Variants in TIMP3 observed in about 807,000 individuals in gnomAD.
TIMP3 encodes TIMP metallopeptidase inhibitor 3, also known as metalloproteinase inhibitor 3.
Under a neutral mutation model 30.0 loss-of-function variants are expected in TIMP3, and 11 were observed. The ratio of observed to expected loss-of-function variants is 0.37; its 90% confidence interval spans 0.23 to 0.61. The LOEUF is 0.61. Ranked by LOEUF, TIMP3 falls within the 20% of genes least tolerant of loss-of-function variation. The pLI, the probability that TIMP3 is intolerant of heterozygous loss-of-function variation, is 0.70. For missense variants in TIMP3, 181 were observed against 276.8 expected (o/e 0.65, Z 2.45); for synonymous variants, 112 against 111.3 (o/e 1.01, Z -0.04).
chr22:32,815,890 T>C (rs542324197), intron 1 of TIMP3, among the ~76,000 whole-genome samples: 1 of 152,314 alleles, frequency 6.6e-6, no homozygotes, highest in South Asian at 2.1e-4. Context: ...AGCAGGTGTG[T>C]CTGTTCTGTG....
chr22:32,843,699 G>A (rs143738144), intron 1 of TIMP3, among the ~76,000 whole-genome samples: 208 of 152,172 alleles, frequency 1.4e-3, no homozygotes, highest in African/African-American at 4.6e-3. Context: ...CCGAAGATGC[G>A]AGCCCATGGT....
At chr22:32,816,311 G>A (rs918378006) in intron 1 of TIMP3, among the ~76,000 whole-genome samples, 11 of 152,050 alleles carry the variant, frequency 7.2e-5, no homozygotes, top group African/African-American at 2.2e-4. Flanking sequence ...TCCTGACTAC[G>A]GGCCACACAC....
chr22:32,818,052 C>T (rs991826496), intron 1 of TIMP3, among the ~76,000 whole-genome samples: 1 of 152,220 alleles, frequency 6.6e-6, no homozygotes, highest in African/African-American at 2.4e-5. Flanking sequence ...ATCATTAGAA[C>T]ACTTGCCCTA....
At chr22:32,859,109 A>C (rs963657571) in intron 4 of TIMP3, 71 bp from the exon 5 acceptor site, 1 of 1,547,856 alleles carries the variant, frequency 6.5e-7, no homozygotes, top group East Asian at 2.2e-5. Context: ...GTCTGAATCC[A>C]GGCTCGGTAG....
At chr22:32,807,399 A>ATATTAATATAATATATATT (rs130273) in intron 1 of TIMP3, among the ~76,000 whole-genome samples, 1 of 118,362 alleles carries the variant, frequency 8.4e-6, no homozygotes, top group African/African-American at 3.3e-5. Context: ...TATATAATAT[A>ATATTAATATAATATATATT]TATATATTAT....
intron 2 of TIMP3, among the ~76,000 whole-genome samples, chr22:32,850,026 G>A (rs1439013722): frequency 6.6e-6 from 1 of 151,272 alleles, no homozygotes; most frequent in Non-Finnish European, 1.5e-5. Flanking sequence ...AAACTGTGCT[G>A]ATCACAGGAA....
At chr22:32,847,636 G>A (rs1015547021) in intron 1 of TIMP3, among the ~76,000 whole-genome samples, 4 of 152,188 alleles carry the variant, frequency 2.6e-5, no homozygotes, top group Non-Finnish European at 4.4e-5. Flanking sequence ...TCAAATAACT[G>A]GGATACATAG....
At chr22:32,817,955 T>C (rs934459863) in intron 1 of TIMP3, among the ~76,000 whole-genome samples, 7 of 152,208 alleles carry the variant, frequency 4.6e-5, no homozygotes, top group Non-Finnish European at 7.3e-5. Flanking sequence ...CTAATCATTT[T>C]ACCGATAGGA....
At chr22:32,803,135 G>C (rs1015114343) in intron 1 of TIMP3, among the ~76,000 whole-genome samples, 2 of 152,154 alleles carry the variant, frequency 1.3e-5, no homozygotes, top group Admixed American at 1.3e-4. Context: ...TGCAAGTCCA[G>C]TGGCTCTGCT....
intron 1 of TIMP3, among the ~76,000 whole-genome samples, chr22:32,823,087 A>C (rs1328738403): frequency 1.3e-5 from 2 of 152,198 alleles, no homozygotes; most frequent in East Asian, 3.9e-4. Flanking sequence ...AAATTTCACT[A>C]CATTGACACA....
chr22:32,842,424 G>T (rs1006966802), intron 1 of TIMP3, among the ~76,000 whole-genome samples: 1 of 152,166 alleles, frequency 6.6e-6, no homozygotes, highest in Admixed American at 6.5e-5. Context: ...CAGAGAGGCA[G>T]CAGATATCTG....
chr22:32,801,998 G>C lies in TIMP3; in HGVS notation c.-4G>C, dbSNP rs1179726032. The C allele has an allele frequency of 1.3e-6, 2 of 1,584,724 alleles. No homozygotes were observed. The highest frequency in any genetic ancestry group is 8.5e-7 in the Non-Finnish European group (1 of 1,171,736). ...CAGCCCCGGCAGCGGCGGCAGCAGCGGCAATGACCCCTTGGCTCGGGCTCA... is the reference window on the plus strand; with the variant it reads ...CAGCCCCGGCAGCGGCGGCAGCAGCCGCAATGACCCCTTGGCTCGGGCTCA... On this transcript the variant is annotated 5_prime_UTR_variant, in exon 1 of 5. Coordinates refer to ENST00000266085, the MANE Select transcript of TIMP3 (RefSeq NM_000362.5). The surrounding 1 kb of genome is among the most constrained non-coding windows in gnomAD (Gnocchi z 4.7).
chr22:32,818,564 A>G (rs1569248597), intron 1 of TIMP3, among the ~76,000 whole-genome samples: 1 of 152,104 alleles, frequency 6.6e-6, no homozygotes, highest in Non-Finnish European at 1.5e-5. Context: ...TTAAAGGAGG[A>G]AAGGAAACAG....
At chr22:32,810,665 C>T (rs1014053045) in intron 1 of TIMP3, among the ~76,000 whole-genome samples, 7 of 152,154 alleles carry the variant, frequency 4.6e-5, no homozygotes, top group African/African-American at 1.7e-4. Flanking sequence ...GGCACAGGGC[C>T]GCCTGGCTGC....
Position 32,858,165 on chromosome 22 carries a change from G to A in TIMP3, c.438+27G>A, listed in dbSNP as rs376987784. The A allele has an allele frequency of 1.9e-6, 3 of 1,611,108 alleles. No homozygotes were observed. The African/African-American group carries it at 4.0e-5, about 22-fold the overall frequency. On this transcript the variant is annotated intron_variant, in intron 4 of 4. Transcript: ENST00000266085. ...TAAGCTCTGGGGTCACTGGGGGAAG[G>A]AGGGGAGGTGCTGACTTGCAGCCCT...
chr22:32,826,115 G>A (rs1363281724), intron 1 of TIMP3, among the ~76,000 whole-genome samples: 2 of 152,118 alleles, frequency 1.3e-5, no homozygotes, highest in African/African-American at 4.8e-5. Context: ...CTTTAGTGAA[G>A]TTGTATTACT....
intron 1 of TIMP3, among the ~76,000 whole-genome samples, chr22:32,819,249 C>T (rs1194803666): frequency 6.6e-6 from 1 of 152,236 alleles, no homozygotes; most frequent in Non-Finnish European, 1.5e-5. Flanking sequence ...AGCTGCCTCT[C>T]TGCTCACTGC....
At chr22:32,831,338 G>A (rs1027964959) in intron 1 of TIMP3, among the ~76,000 whole-genome samples, 1 of 152,214 alleles carries the variant, frequency 6.6e-6, no homozygotes, top group Non-Finnish European at 1.5e-5. Context: ...CCAGAGAAGA[G>A]GTGAATTGTT....
chr22:32,821,369 C>A (rs1017499298), intron 1 of TIMP3, among the ~76,000 whole-genome samples: 1 of 152,208 alleles, frequency 6.6e-6, no homozygotes. Flanking sequence ...TGAAGATCTG[C>A]ACTTGCTCTT....
Sources: gnomAD v4.1 joint callset for allele counts (sites outside exome capture counted in the v4.1 genomes callset) on GRCh38, gnomAD v4.1.1 for gene constraint, Gnocchi (gnomAD v3.1) non-coding constraint, MANE v1.5 for transcripts, NCBI Gene and HGNC (gene_info 2026-07-23, HGNC 2026-07-21) for gene names.